Variants in PPIH observed in about 807,000 individuals in gnomAD.
PPIH encodes the protein peptidylprolyl isomerase H.
A neutral mutation model predicts 27.6 loss-of-function variants in PPIH; 16 were observed. The observed-to-expected ratio is 0.58, with a 90% CI of 0.39 to 0.88. The LOEUF (loss-of-function observed/expected upper bound fraction) is 0.88, where lower values mean the gene tolerates loss of function less well. PPIH is among the 40% of genes least tolerant of loss of function. PPIH has a pLI of 0.00. For missense variants in PPIH, 155 were observed against 224.1 expected, an observed-to-expected ratio of 0.69 and a Z score of 1.97; for synonymous variants, 63 against 76.1, an observed-to-expected ratio of 0.83 and a Z score of 0.90.
intron 9 of PPIH, among the ~76,000 whole-genome samples, chr1:42,673,410 C>T (rs2148726359): frequency 6.6e-6 from 1 of 152,278 alleles, no homozygotes; most frequent in African/African-American, 2.4e-5. Flanking sequence ...AGGGTGGCAC[C>T]TCTCTTTTGA....
At chr1:42,671,406 C>T (rs1171860084) in intron 9 of PPIH, among the ~76,000 whole-genome samples, 3 of 152,072 alleles carry the variant, frequency 2.0e-5, no homozygotes, top group South Asian at 2.1e-4. Context: ...CTAGCCTGGG[C>T]GACAGAGCGA....
At chr1:42,662,497 T>C (rs1180520021) in intron 5 of PPIH, among the ~76,000 whole-genome samples, 1 of 151,634 alleles carries the variant, frequency 6.6e-6, no homozygotes, top group Non-Finnish European at 1.5e-5. Flanking sequence ...AAGGCTGCAG[T>C]GAGCCATGTT....
chr1:42,664,916 T>C lies in PPIH; in HGVS notation c.297T>C (p.Asn99=). 1.9e-6 allele frequency: 3 copies of C among 1,613,648 alleles called. No homozygotes were observed. The highest frequency in any genetic ancestry group is 2.5e-6 in the Non-Finnish European group (3 of 1,179,844). ...SIYRGPFADE[N]FKLRHSAPGL... ...ACCGGGGGCCATTTGCAGATGAAAATTTTAAACTTAGACACTCAGCTCCAG... is the reference window on the plus strand; with the variant it reads ...ACCGGGGGCCATTTGCAGATGAAAACTTTAAACTTAGACACTCAGCTCCAG... Residue 99 remains asparagine (N), a synonymous_variant, in exon 6 of 10, where the codon AAT becomes AAC. Transcript: ENST00000304979.
intron 4 of PPIH, among the ~76,000 whole-genome samples, chr1:42,660,587 G>A (rs747272501): frequency 1.3e-5 from 2 of 152,038 alleles, no homozygotes; most frequent in African/African-American, 4.8e-5. Flanking sequence ...GTGCCACCAC[G>A]CTCGGCTAAT....
chr1:42,659,137 C>G, intron 2 of PPIH, 91 bp from the exon 3 acceptor site: 1 of 1,569,538 alleles, frequency 6.4e-7, no homozygotes, highest in Non-Finnish European at 8.7e-7. Context: ...GGTGGACTTG[C>G]TGGCTCCAGT....
Position 42,659,509 on chromosome 1 carries a change from T to C in PPIH, c.156-13T>C. Reference sequence around the variant, plus strand: ...CCTGCTGTCACTCCAAGTCTCTTTCTTTTCGGTTATAGGAAAGATGGGGTT... The same window carrying C: ...CCTGCTGTCACTCCAAGTCTCTTTCCTTTCGGTTATAGGAAAGATGGGGTT... On this transcript the variant is annotated splice_polypyrimidine_tract_variant and intron_variant, in intron 3 of 9. Coordinates refer to ENST00000304979, the MANE Select transcript of PPIH (RefSeq NM_006347.4). 6.2e-7 allele frequency: 1 copy of C among 1,614,222 alleles called. No homozygotes were observed. The highest frequency in any genetic ancestry group is 8.5e-7 in the Non-Finnish European group (1 of 1,180,050).
intron 9 of PPIH, among the ~76,000 whole-genome samples, chr1:42,668,429 C>T (rs1649460700): frequency 6.6e-6 from 1 of 151,920 alleles, no homozygotes; most frequent in Admixed American, 6.6e-5. Flanking sequence ...TTCTTCTTCT[C>T]TTTCCCATTT....
Position 42,666,620 on chromosome 1 carries a change from C to T in PPIH, c.465+33C>T, listed in dbSNP as rs187779751. 6.5e-4 allele frequency: 1,051 copies of T among 1,605,250 alleles called. 2 individuals carry two copies. Among genetic ancestry groups the T allele is most frequent in the South Asian group, 1.1e-3 (103 of 90,850 alleles). ...CTGCTTTGATTTTTCTGTTTCTCTG[C>T]CATTGTGGTCTGGTACTGTCTGACT... is the stretch of plus-strand genomic sequence containing the variant. On this transcript the variant is annotated intron_variant, in intron 8 of 9. Coordinates refer to ENST00000304979, the MANE Select transcript of PPIH (RefSeq NM_006347.4).
chr1:42,659,394 T>C (rs1648873600), intron 3 of PPIH, 128 bp from the exon 4 acceptor site: 6 of 1,614,196 alleles, frequency 3.7e-6, no homozygotes, highest in South Asian at 2.2e-5. Flanking sequence ...GGTCTGTCCC[T>C]AGTTTATTTG....
intron 7 of PPIH, among the ~76,000 whole-genome samples, chr1:42,666,336 T>TA (rs1649335184): frequency 5.3e-5 from 8 of 152,184 alleles, no homozygotes. Flanking sequence ...GGCAGCATGA[T>TA]ACGGTGAGAC....
chr1:42,664,794 A>C, intron 5 of PPIH, 69 bp from the exon 6 acceptor site: 1 of 1,224,670 alleles, frequency 8.2e-7, no homozygotes, highest in East Asian at 2.4e-5. Context: ...TAGGTGCGAC[A>C]GTGTTCTTCC....
rs1557516318 is a variant in PPIH at position 42,667,441 on chromosome 1, G to A, written c.*21+1G>A. On this transcript the variant is annotated splice_donor_variant, in intron 9 of 9. Transcript: ENST00000304979. LOFTEE classifies it low-confidence loss of function (3UTR_SPLICE). ...GTAGTCCAGACAAAGACTGAATCAG[G>A]TAAGTGTGTCTTTCTCCTATTAGGT... 2 of 1,562,930 alleles carry A rather than the reference G, an allele frequency of 1.3e-6. No individual in the cohort carries two copies. The highest frequency in any genetic ancestry group is 1.8e-6 in the Non-Finnish European group (2 of 1,133,702).
chr1:42,675,680 T>G (rs1315246547), intron 9 of PPIH, among the ~76,000 whole-genome samples: 1 of 152,196 alleles, frequency 6.6e-6, no homozygotes, highest in Non-Finnish European at 1.5e-5. Flanking sequence ...GTTTGAGGAA[T>G]GGCAAGAGGA....
chr1:42,658,562 G>A, intron 1 of PPIH, 50 bp downstream of exon 1: 1 of 1,565,776 alleles, frequency 6.4e-7, no homozygotes, highest in Non-Finnish European at 8.8e-7. Flanking sequence ...AACTGCTCGG[G>A]GCTAGGCAGG....
At position 42,672,183 on chromosome 1, in the gene PPIH, G is replaced by A. The variant is rs534098958; in HGVS notation, c.*22-4401G>A. On this transcript the variant is annotated intron_variant, in intron 9 of 9. Transcript: ENST00000304979. ...CAGGCATAAGCCACCATGCCTGGCC[G>A]GGCAGTATTTCTTATACTTTAACGT... 3.3e-5 allele frequency among the ~76,000 whole-genome samples: 5 copies of A among 152,074 alleles called. No homozygotes were observed. In the South Asian group the frequency reaches 6.2e-4, roughly 19 times the overall value.
chr1:42,666,865 T>A (rs1284146696), intron 8 of PPIH, among the ~76,000 whole-genome samples: 1 of 152,218 alleles, frequency 6.6e-6, no homozygotes, highest in Non-Finnish European at 1.5e-5. Flanking sequence ...TGGCCCCTTC[T>A]TCTGCCATTG....
chr1:42,667,482 A>C, intron 9 of PPIH, 42 bp downstream of exon 9: 1 of 1,483,660 alleles, frequency 6.7e-7, no homozygotes. Context: ...ATCAGACCTC[A>C]GAGAAGGCAG....
chr1:42,663,060 A>G (rs1335883814), intron 5 of PPIH, among the ~76,000 whole-genome samples: 7 of 152,072 alleles, frequency 4.6e-5, no homozygotes, highest in East Asian at 1.9e-4. Context: ...AATTTTCCCT[A>G]TTGTTTCTGG....
chr1:42,676,827 C>G (rs1266495789), downstream of PPIH: 2 of 151,966 alleles, frequency 1.3e-5, no homozygotes, highest in Non-Finnish European at 2.9e-5. Flanking sequence ...GCCCTGTCTC[C>G]TCACACCTCA....
Sources: gnomAD v4.1 joint callset for allele counts (sites outside exome capture counted in the v4.1 genomes callset) on GRCh38, gnomAD v4.1.1 for gene constraint, MANE v1.5 for transcripts, NCBI Gene and HGNC (gene_info 2026-07-23, HGNC 2026-07-21) for gene names.